The following BLM variants were observed in gnomAD, a reference collection of about 807,000 sequenced individuals.
BLM encodes the protein recQ-like DNA helicase BLM.
BLM carries 95 observed loss-of-function variants against 135.3 expected under a neutral mutation model. The ratio of observed to expected loss-of-function variants is 0.70; its 90% CI spans 0.59 to 0.83. The LOEUF (loss-of-function observed/expected upper bound fraction) is 0.83. Among genes scored for constraint, BLM ranks in the 40% least tolerant of loss-of-function variants. The pLI is 0.00. For missense variants in BLM, 1,518 were observed against 1,663.9 expected (o/e 0.91, Z 1.53); for synonymous variants, 520 against 589.2 (o/e 0.88, Z 1.70).
At chr15:90,813,037 G>A (rs945338767) in intron 21 of BLM, among the ~76,000 whole-genome samples, 2 of 152,094 alleles carry the variant, frequency 1.3e-5, no homozygotes, top group African/African-American at 4.8e-5. Context: ...TTTTTGAAGA[G>A]GAAGCTTAGG....
intron 21 of BLM, among the ~76,000 whole-genome samples, chr15:90,813,026 G>A (rs912457497): frequency 6.6e-6 from 1 of 152,128 alleles, no homozygotes; most frequent in South Asian, 2.1e-4. Flanking sequence ...AACACCCAGG[G>A]TTTTTGAAGA....
chr15:90,743,038 A>C (rs1596211827), intron 1 of BLM, among the ~76,000 whole-genome samples: 3 of 137,218 alleles, frequency 2.2e-5, no homozygotes, highest in Admixed American at 7.7e-5. Flanking sequence ...TCTCACTGTC[A>C]CCCCAGCTGG....
At chr15:90,803,444 G>T in intron 17 of BLM, 77 bp from the exon 18 acceptor site, 1 of 1,358,244 alleles carries the variant, frequency 7.4e-7, no homozygotes, top group South Asian at 1.2e-5. Context: ...GTCCATAAAT[G>T]ACTTTTTAGC....
Position 90,804,335 on chromosome 15 carries a change from A to G in BLM, c.3727A>G (p.Thr1243Ala). ...TGTCCATTACTTCAATATTTTTAAT[A>G]CCGTCACTCTCAAGAAGCTTGCAGG... Reference protein sequence around the residue: ...FGVHYFNIFNTVTLKKLAESL... With the variant: ...FGVHYFNIFNAVTLKKLAESL... The change falls in exon 19 of 22, where the codon ACC becomes GCC. Residue 1243 changes from threonine to alanine, a missense_variant. By Grantham distance (58) the Thr-to-Ala change is moderately conservative (BLOSUM62 0). Around this residue, in one of 5 missense-constraint regions of BLM, gnomAD observed 626 missense variants for 681.1 expected, o/e 0.92. Transcript: ENST00000355112. The G allele has an allele frequency of 6.2e-7, 1 of 1,614,174 alleles. No homozygotes were observed.
chr15:90,769,088 G>A, intron 10 of BLM, 45 bp from the exon 11 acceptor site: 1 of 1,386,060 alleles, frequency 7.2e-7, no homozygotes, highest in South Asian at 1.2e-5. Flanking sequence ...ATCATGAGGT[G>A]ATGTGTTTCA....
intron 19 of BLM, among the ~76,000 whole-genome samples, chr15:90,805,580 G>A (rs556246292): frequency 6.6e-6 from 1 of 151,396 alleles, no homozygotes; most frequent in African/African-American, 2.4e-5. Flanking sequence ...ATGAGGTCAG[G>A]AGTTCAAGAC....
intron 1 of BLM, among the ~76,000 whole-genome samples, chr15:90,721,049 C>A (rs769979216): frequency 8.5e-5 from 13 of 152,122 alleles, no homozygotes; most frequent in Non-Finnish European, 1.5e-4. Context: ...AAATAAAAAT[C>A]TAAATAAATT....
At chr15:90,749,283 A>T (rs367772462) in intron 2 of BLM, 84 bp from the exon 3 acceptor site, 1 of 945,954 alleles carries the variant, frequency 1.1e-6, no homozygotes, top group Non-Finnish European at 1.6e-6. Flanking sequence ...AACCTGTGTG[A>T]ATTAGTTTAA....
chr15:90,812,907 CT>C (rs1391638948), intron 21 of BLM, among the ~76,000 whole-genome samples: 2 of 152,190 alleles, frequency 1.3e-5, no homozygotes, highest in African/African-American at 4.8e-5. Context: ...AGTAAGTGCT[CT>C]TCAGTGAGAA....
chr15:90,761,215 T>C lies in BLM; in HGVS notation c.1842T>C (p.Ala614=). The C allele has an allele frequency of 6.5e-7, 1 of 1,533,268 alleles. No homozygotes were observed. The highest frequency in any genetic ancestry group is 8.7e-7 in the Non-Finnish European group (1 of 1,144,624). The allele number at this position is 1,533,268 out of a possible 1,614,324, so 95.0% of individuals were successfully genotyped here. The part of the protein sequence containing the change: ...KTDCLPVSST[A]QNINFSESIQ... ...ACTGTCTTCCAGTGTCATCTACTGCTCAAAATATAAACTTCTCAGAGTCAA... is the reference window on the plus strand; with the variant it reads ...ACTGTCTTCCAGTGTCATCTACTGCCCAAAATATAAACTTCTCAGAGTCAA... Residue 614 remains alanine (A), a synonymous_variant, in exon 7 of 22, where the codon GCT becomes GCC. Transcript: ENST00000355112.
intron 1 of BLM, among the ~76,000 whole-genome samples, chr15:90,728,386 G>T (rs190490251): frequency 2.8e-4 from 42 of 151,362 alleles, no homozygotes; most frequent in Middle Eastern, 3.5e-3. Flanking sequence ...GTATTTTTAG[G>T]TATATATTAT....
chr15:90,747,502 G>T lies in BLM; in HGVS notation c.98+12G>T. Reference sequence around the variant, plus strand: ...AAACCAAAATTTTCGTAAGTGTTTTGACTGGTTTGCTGTCACATAGGCACT... The same window carrying T: ...AAACCAAAATTTTCGTAAGTGTTTTTACTGGTTTGCTGTCACATAGGCACT... On this transcript the variant is annotated intron_variant, in intron 2 of 21. Coordinates refer to ENST00000355112, the MANE Select transcript of BLM (RefSeq NM_000057.4). 1 of 1,558,290 alleles carries T rather than the reference G, an allele frequency of 6.4e-7. No homozygotes were observed. Among genetic ancestry groups the T allele is most frequent in the East Asian group, 2.3e-5 (1 of 44,224 alleles).
In BLM at chr15:90,769,620, T is replaced by C. The variant is rs200820001; in HGVS notation, c.2555+34T>C. 4.4e-6 allele frequency: 7 copies of C among 1,606,778 alleles called. No individual in the cohort carries two copies. The East Asian group carries it at 1.3e-4, about 31-fold the overall frequency. On this transcript the variant is annotated intron_variant, in intron 12 of 21. Coordinates refer to ENST00000355112, the MANE Select transcript of BLM (RefSeq NM_000057.4). ...TTGCACGTCACGTATTTGAGAACCCTGGGGCAGTGACTGCCAGAGCTGCTA... is the reference window on the plus strand; with the variant it reads ...TTGCACGTCACGTATTTGAGAACCCCGGGGCAGTGACTGCCAGAGCTGCTA...
At chr15:90,811,053 G>A in intron 20 of BLM, 152 bp from the exon 21 acceptor site, 1 of 754,752 alleles carries the variant, frequency 1.3e-6, no homozygotes, top group South Asian at 1.5e-5. Context: ...GTAAAAAAAG[G>A]TTTGGTTCTT....
Position 90,797,786 on chromosome 15 carries a change from C to T in BLM, c.3211-404C>T, listed in dbSNP as rs1483755956. On this transcript the variant is annotated intron_variant, in intron 16 of 21. Coordinates refer to ENST00000355112, the MANE Select transcript of BLM (RefSeq NM_000057.4). The stretch of plus-strand genomic sequence containing the variant: ...AACTAGCAGGAGATGATGAAAAGAG[C>T]GTTGACTATGGCACCAAAGACCCCA... 5.3e-5 allele frequency among the ~76,000 whole-genome samples: 8 copies of T among 152,244 alleles called. No homozygotes were observed. The East Asian group carries it at 1.2e-3, about 22-fold the overall frequency.
At chr15:90,782,493 C>G (rs1393512502) in intron 12 of BLM, among the ~76,000 whole-genome samples, 4 of 152,180 alleles carry the variant, frequency 2.6e-5, no homozygotes, top group Non-Finnish European at 5.9e-5. Context: ...ATTTATTTCT[C>G]TTGGTTCTGA....
At chr15:90,752,962 C>T (rs933690621) in intron 4 of BLM, among the ~76,000 whole-genome samples, 1 of 152,172 alleles carries the variant, frequency 6.6e-6, no homozygotes, top group Non-Finnish European at 1.5e-5. Flanking sequence ...GTAGTGCCTT[C>T]CCTGGTGTCA....
chr15:90,803,829 T>TAC (rs937474069), intron 18 of BLM, 109 bp downstream of exon 18: 2 of 1,086,328 alleles, frequency 1.8e-6, no homozygotes, highest in African/African-American at 3.2e-5. Context: ...AATTTATATA[T>TAC]ACTGTTCTAT....
intron 2 of BLM, among the ~76,000 whole-genome samples, chr15:90,747,954 C>T (rs1397696446): frequency 6.7e-6 from 1 of 148,950 alleles, no homozygotes; most frequent in Non-Finnish European, 1.5e-5. Context: ...ACTACAGGCA[C>T]CTGCCACCAC....
Sources: allele counts gnomAD v4.1 joint callset (sites outside exome capture counted in the v4.1 genomes callset), GRCh38; gene constraint gnomAD v4.1.1; regional missense constraint gnomAD v4.1.1; transcripts MANE v1.5; gene names NCBI Gene and HGNC (gene_info 2026-07-23, HGNC 2026-07-21).